The following MAEL variants were observed in gnomAD, a reference collection of about 807,000 sequenced individuals.
The protein encoded by MAEL is maelstrom spermatogenic transposon silencer, also known as protein maelstrom homolog.
Under a neutral mutation model 62.0 loss-of-function variants are expected in MAEL, and 46 were observed. The observed-to-expected ratio is 0.74, with a 90% confidence interval of 0.59 to 0.95. The LOEUF is 0.95. Among genes scored for constraint, MAEL ranks in the 40% least tolerant of loss-of-function variants. The pLI is 0.00. For synonymous variants in MAEL, 172 were observed against 175.5 expected, an observed-to-expected ratio of 0.98 and a Z score of 0.16; for missense variants, 497 against 526.8, an observed-to-expected ratio of 0.94 and a Z score of 0.55.
At chr1:166,989,599 A>C in intron 1 of MAEL, 115 bp downstream of exon 1, 1 of 1,485,554 alleles carries the variant, frequency 6.7e-7, no homozygotes, top group Non-Finnish European at 9.1e-7. Flanking sequence ...CCAGAGGAAG[A>C]GGAAGGCCCC....
chr1:166,976,052 G>C (rs1663569798), intron 1 of MAEL, among the ~76,000 whole-genome samples: 1 of 152,162 alleles, frequency 6.6e-6, no homozygotes, highest in South Asian at 2.1e-4. Context: ...AAGAGGCTCC[G>C]CAGAATTGAA....
In MAEL at chr1:167,018,031, A is replaced by G. The variant is rs555753442; in HGVS notation, c.1041+72A>G. ...CTCAATGTGATTCTGGCCAACAGAA[A>G]CAAAAGATCAGCCTTTGTTTGGTTC... On this transcript the variant is annotated intron_variant, in intron 10 of 11. Coordinates refer to ENST00000367872, the MANE Select transcript of MAEL (RefSeq NM_032858.3). 582 of 1,439,482 alleles carry G rather than the reference A, an allele frequency of 4.0e-4. 5 individuals carry two copies. The African/African-American group carries it at 7.3e-3, about 18-fold the overall frequency. 89.2% of individuals were successfully genotyped at this position (1,439,482 alleles called of 1,614,324 possible).
At chr1:166,980,002 T>C (rs971608907) in intron 1 of MAEL, among the ~76,000 whole-genome samples, 2 of 152,182 alleles carry the variant, frequency 1.3e-5, no homozygotes, top group African/African-American at 2.4e-5. Flanking sequence ...ATTTATATTT[T>C]TTCTTTATAA....
chr1:167,012,639 A>T (rs912828906), intron 8 of MAEL: 1 of 152,242 alleles, frequency 6.6e-6, no homozygotes, highest in African/African-American at 2.4e-5. Context: ...AATCAACAAG[A>T]CACTCTGACA....
chr1:166,988,974 A>T (rs1664019406), upstream of MAEL: 1 of 208,296 alleles, frequency 4.8e-6, no homozygotes, highest in Non-Finnish European at 9.9e-6. Context: ...GGCCCTTTGT[A>T]CCTGTAAAAC....
chr1:167,021,127 T>C lies in MAEL; in HGVS notation c.1084T>C (p.Ser362Pro). ...TTCAGGATTCTCTCATTTCAACTCT[T>C]CTAATGAGGAACAAAGATCAAACAC... ...GSSGFSHFNS[S>P]NEEQRSNTPI... is the part of the protein sequence containing the mutation. Residue 362 changes from serine (S) to proline (P), a missense_variant, in exon 11 of 12, where the codon TCT becomes CCT. Ser to Pro is a moderately conservative substitution (Grantham distance 74). Coordinates refer to ENST00000367872, the MANE Select transcript of MAEL (RefSeq NM_032858.3). 4 of 1,612,594 alleles carry C rather than the reference T, an allele frequency of 2.5e-6. No homozygotes were observed. Among genetic ancestry groups the C allele is most frequent in the Non-Finnish European group, 3.4e-6 (4 of 1,179,032 alleles).
chr1:167,018,682 C>T (rs1028867211), intron 10 of MAEL, among the ~76,000 whole-genome samples: 48 of 152,134 alleles, frequency 3.2e-4, no homozygotes, highest in Admixed American at 2.9e-3. Flanking sequence ...ATGGCATGAA[C>T]TACTGATGAA....
At chr1:167,016,147 A>G in intron 8 of MAEL, 75 bp from the exon 9 acceptor site, 1 of 1,256,252 alleles carries the variant, frequency 8.0e-7, no homozygotes, top group East Asian at 2.3e-5. Flanking sequence ...AAGATTTCAG[A>G]TAGAAATCTG....
upstream of MAEL, among the ~76,000 whole-genome samples, chr1:166,985,739 G>C (rs536779078): frequency 3.2e-4 from 49 of 152,110 alleles, no homozygotes; most frequent in Non-Finnish European, 7.1e-4. Flanking sequence ...GCATTAAACA[G>C]GGTAAAATTT....
At chr1:167,005,152 T>C (rs1664838201) in intron 7 of MAEL, 22 bp downstream of exon 7, 2 of 1,613,256 alleles carry the variant, frequency 1.2e-6, no homozygotes, top group Non-Finnish European at 1.7e-6. Flanking sequence ...TCTGGGTTGC[T>C]GCAGAAGTGC....
rs1665635617 is a variant in MAEL, at chr1:167,021,683, G to T, written c.1133G>T (p.Arg378Met). The change falls in exon 12 of 12, where the codon AGG becomes ATG. Residue 378 changes from arginine to methionine, a missense_variant. Coordinates refer to ENST00000367872, the MANE Select transcript of MAEL (RefSeq NM_032858.3). ...SNTPIGDYPSRAKISGQNSSV... is the reference protein window; with the variant it reads ...SNTPIGDYPSMAKISGQNSSV... ...AATATCCTAGGTGACTACCCATCTAGGGCAAAAATTTCTGGCCAAAACAGC... is the reference window on the plus strand; with the variant it reads ...AATATCCTAGGTGACTACCCATCTATGGCAAAAATTTCTGGCCAAAACAGC... 9 of 1,605,666 alleles carry T rather than the reference G, an allele frequency of 5.6e-6. No homozygotes were observed. The highest frequency in any genetic ancestry group is 7.6e-6 in the Non-Finnish European group (9 of 1,177,264).
chr1:167,010,290 A>G (rs1030436317), intron 8 of MAEL, among the ~76,000 whole-genome samples: 1 of 152,126 alleles, frequency 6.6e-6, no homozygotes, highest in Non-Finnish European at 1.5e-5. Flanking sequence ...TCTTTCCTTT[A>G]TAAATTACCC....
At chr1:167,011,900 G>C (rs1042646796) in intron 8 of MAEL, among the ~76,000 whole-genome samples, 13 of 152,156 alleles carry the variant, frequency 8.5e-5, no homozygotes, top group Admixed American at 6.5e-4. Flanking sequence ...GTTCAGCAGA[G>C]TAGCTATACT....
rs562211396 is a variant in MAEL, at chr1:167,014,372, G to A, written c.846-1850G>A. The stretch of plus-strand genomic sequence containing the variant: ...CATTTTAATGAGCTTTTGATACTTA[G>A]CAGGATTGGAGCTGCTCTTGTACAT... On this transcript the variant is annotated intron_variant, in intron 8 of 11. Transcript: ENST00000367872. Among the ~76,000 whole-genome samples the A allele has an allele frequency of 3.2e-4, 49 of 152,224 alleles. 2 individuals carry two copies. In the South Asian group the frequency reaches 8.5e-3, roughly 26 times the overall value.
intron 9 of MAEL, among the ~76,000 whole-genome samples, chr1:167,017,275 C>T (rs1665435787): frequency 6.6e-6 from 1 of 152,064 alleles, no homozygotes; most frequent in South Asian, 2.1e-4. Context: ...ACTATGTACT[C>T]ATAAAAAATA....
At chr1:167,001,632 A>G (rs1664673536) in intron 5 of MAEL, among the ~76,000 whole-genome samples, 1 of 152,226 alleles carries the variant, frequency 6.6e-6, no homozygotes, top group Non-Finnish European at 1.5e-5. Flanking sequence ...ACTTTATTTC[A>G]ATACTTGCTT....
At chr1:167,021,364 T>C (rs565732193) in intron 11 of MAEL, among the ~76,000 whole-genome samples, 2 of 152,304 alleles carry the variant, frequency 1.3e-5, no homozygotes, top group African/African-American at 2.4e-5. Context: ...TTGTAACTTC[T>C]CAGAATTTGT....
At chr1:167,020,451 AG>A (rs1450783288) in intron 10 of MAEL, among the ~76,000 whole-genome samples, 1 of 152,106 alleles carries the variant, frequency 6.6e-6, no homozygotes, top group African/African-American at 2.4e-5. Flanking sequence ...ACCAACTTCA[AG>A]GGGCCTTTAT....
At chr1:167,000,025 C>T (rs972389816) in intron 5 of MAEL, among the ~76,000 whole-genome samples, 1 of 152,126 alleles carries the variant, frequency 6.6e-6, no homozygotes, top group African/African-American at 2.4e-5. Flanking sequence ...CCTAGTCATC[C>T]AAGAGCTCTG....
Sources: allele counts gnomAD v4.1 joint callset (sites outside exome capture counted in the v4.1 genomes callset), GRCh38; gene constraint gnomAD v4.1.1; transcripts MANE v1.5; gene names NCBI Gene and HGNC (gene_info 2026-07-23, HGNC 2026-07-21).